C7: variants seen among roughly 807,000 people sequenced by gnomAD.
C7 encodes the protein complement component C7.
A neutral mutation model predicts 104.8 loss-of-function variants in C7; 83 were observed. The ratio of observed to expected loss-of-function variants is 0.79; its 90% CI spans 0.66 to 0.95. The LOEUF (loss-of-function observed/expected upper bound fraction) is 0.95, where lower values mean the gene tolerates loss of function less well. C7 is among the 40% of genes least tolerant of loss of function. The pLI, the probability that C7 is intolerant of heterozygous loss-of-function variation, is 0.00. For missense variants in C7, 1,070 were observed against 1,011.2 expected (o/e 1.06, Z -0.79); for synonymous variants, 415 against 360.6 (o/e 1.15, Z -1.71).
chr5:40,970,561 C>A (rs1740676652), intron 14 of C7, among the ~76,000 whole-genome samples: 1 of 152,002 alleles, frequency 6.6e-6, no homozygotes, highest in Admixed American at 6.6e-5. Flanking sequence ...GAGGTTGAGT[C>A]AGGAGGATTG....
intron 6 of C7, among the ~76,000 whole-genome samples, chr5:40,940,334 C>G (rs1457011421): frequency 6.6e-6 from 1 of 152,108 alleles, no homozygotes; most frequent in Non-Finnish European, 1.5e-5. Context: ...TTTTATACAA[C>G]AAGGAAGGCA....
intron 9 of C7, among the ~76,000 whole-genome samples, chr5:40,954,644 G>A (rs2111652435): frequency 6.6e-6 from 1 of 151,952 alleles, no homozygotes; most frequent in South Asian, 2.1e-4. Flanking sequence ...AACACTTTGG[G>A]AGGCTGAGGC....
Position 40,983,885 on chromosome 5 carries a change from G to A in C7, c.*2312G>A, listed in dbSNP as rs1163555961. ...GTCATCTGGGTTAGAAGGGGATAGA[G>A]CCTTGGAGGAGGCAGAGGGCAGAAA... On this transcript the variant is annotated 3_prime_UTR_variant, in exon 18 of 18. Transcript: ENST00000313164. 2.0e-5 allele frequency among the ~76,000 whole-genome samples: 3 copies of A among 152,174 alleles called. No individual in the cohort carries two copies. The highest frequency in any genetic ancestry group is 7.2e-5 in the African/African-American group (3 of 41,448).
rs1739819667 is a variant in C7 at position 40,936,481 on chromosome 5, A to G, written c.424A>G (p.Asn142Asp). Residue 142 changes from asparagine (N) to aspartate (D), a missense_variant, in exon 5 of 18, where the codon AAT (asparagine) becomes GAT (aspartate). By Grantham distance (23) the Asn-to-Asp change is conservative. Coordinates refer to ENST00000313164, the MANE Select transcript of C7 (RefSeq NM_000587.4). ...TCCTCCTAACATAGAACTTACTGGA[A>G]ATGGGTAAGGTGCTGGGCAGCCTCC... ...KPPPNIELTG[N>D]GYNELTGQFR... 1.2e-6 allele frequency: 2 copies of G among 1,612,766 alleles called. No homozygotes were observed. Among genetic ancestry groups the G allele is most frequent in the Non-Finnish European group, 1.7e-6 (2 of 1,179,274 alleles).
At chr5:40,941,994 A>G (rs145403439) in intron 6 of C7, among the ~76,000 whole-genome samples, 3 of 152,346 alleles carry the variant, frequency 2.0e-5, no homozygotes, top group Non-Finnish European at 2.9e-5. Context: ...AGAGAAAAAA[A>G]GAAAACTAGA....
chr5:40,911,597 T>C (rs1055817404), intron 1 of C7, among the ~76,000 whole-genome samples: 10 of 152,208 alleles, frequency 6.6e-5, no homozygotes, highest in Non-Finnish European at 8.8e-5. Flanking sequence ...AAATCAGGAT[T>C]GTAGCTGGGA....
rs869250524 is a variant in C7, at chr5:40,964,020, C to CTTTTTTTTTT, written c.1750-699_1750-690dup. Among the ~76,000 whole-genome samples the CTTTTTTTTTT allele has an allele frequency of 5.0e-5, 2 of 39,862 alleles. 1 individual carries two copies. The highest frequency in any genetic ancestry group is 1.2e-4 in the Non-Finnish European group (2 of 17,038). 26.2% of individuals were successfully genotyped at this position (39,862 alleles called of 152,430 possible). A position where few individuals can be genotyped will look rare whatever the true frequency, so the allele number is the denominator to read the frequency against. ...TATTGTCAATGAACAGCTCATAATA[C>CTTTTTTTTTT]TTTTTTTTTTTTTTTTTTTTTTTTT... On this transcript the variant is annotated intron_variant, in intron 13 of 17. Coordinates refer to ENST00000313164, the MANE Select transcript of C7 (RefSeq NM_000587.4).
intron 1 of C7, among the ~76,000 whole-genome samples, chr5:40,924,577 G>GC (rs1442123798): frequency 1.3e-5 from 2 of 152,180 alleles, no homozygotes; most frequent in East Asian, 3.9e-4. Flanking sequence ...CCCCTTTACA[G>GC]CCCTTGTAGA....
chr5:40,949,926 G>A lies in C7; in HGVS notation c.1005G>A (p.Lys335=). ...KQNDFNSVEE[K]KCKSSGWHFV... is the part of the protein sequence containing the mutation. ...TAGATTTTAATTCAGTCGAAGAAAA[G>A]AAATGTAAATCCTCAGGTTGGCATT... The change falls in exon 9 of 18, where the codon AAG becomes AAA. Residue 335 remains lysine (K), a synonymous_variant. Transcript: ENST00000313164. 6.3e-7 allele frequency: 1 copy of A among 1,592,852 alleles called. No homozygotes were observed. The highest frequency in any genetic ancestry group is 8.6e-7 in the Non-Finnish European group (1 of 1,167,476).
chr5:40,921,237 G>A (rs146478716), intron 1 of C7, among the ~76,000 whole-genome samples: 1,951 of 151,528 alleles, frequency 0.013, 17 homozygotes, highest in Non-Finnish European at 0.019. Context: ...AAAATACCAA[G>A]GAATAAATTT....
intron 1 of C7, among the ~76,000 whole-genome samples, chr5:40,912,037 C>G (rs1465919991): frequency 1.3e-5 from 2 of 152,080 alleles, no homozygotes; most frequent in African/African-American, 4.8e-5. Context: ...CATGAACCAC[C>G]ACGCCCGGCC....
intron 15 of C7, among the ~76,000 whole-genome samples, chr5:40,975,316 T>G (rs1740792387): frequency 6.6e-6 from 1 of 152,010 alleles, no homozygotes; most frequent in Admixed American, 6.6e-5. Context: ...AGGGTCCAGT[T>G]CAGGGTACTA....
intron 16 of C7, among the ~76,000 whole-genome samples, chr5:40,977,175 T>G (rs1230308755): frequency 1.3e-5 from 2 of 152,160 alleles, no homozygotes; most frequent in Admixed American, 1.3e-4. Flanking sequence ...TGAAATTCCT[T>G]TGGCACATAA....
At chr5:40,950,548 A>G (rs1740146692) in intron 9 of C7, among the ~76,000 whole-genome samples, 1 of 152,160 alleles carries the variant, frequency 6.6e-6, no homozygotes, top group Non-Finnish European at 1.5e-5. Flanking sequence ...TGATCTCCAA[A>G]GGCTTTTGAG....
rs751486188 is a variant in C7, at chr5:40,936,341, A to G, written c.284A>G (p.Gln95Arg). 7.4e-6 allele frequency: 12 copies of G among 1,613,080 alleles called. No individual in the cohort carries two copies. The highest frequency in any genetic ancestry group is 2.7e-5 in the African/African-American group (2 of 74,876). Residue 95 changes from glutamine (Q) to arginine (R), a missense_variant, in exon 5 of 18, where the codon CAG becomes CGG. Transcript: ENST00000313164. Reference protein sequence around the residue: ...CGERFRCFSGQCISKSLVCNG... With the variant: ...CGERFRCFSGRCISKSLVCNG... ...CGTGGATTTCTCTGGTGTTCAGGTC[A>G]GTGCATCAGCAAATCATTGGTTTGC...
chr5:40,976,504 A>G (rs2111722164), intron 15 of C7, among the ~76,000 whole-genome samples: 1 of 152,372 alleles, frequency 6.6e-6, no homozygotes, highest in South Asian at 2.1e-4. Context: ...TAAAAAGTGC[A>G]TGACAAATAT....
At chr5:40,911,974 TC>T (rs1433415311) in intron 1 of C7, among the ~76,000 whole-genome samples, 36 of 151,684 alleles carry the variant, frequency 2.4e-4, no homozygotes, top group African/African-American at 8.7e-4. Context: ...GGTCTTGAAC[TC>T]CTGACCTCAT....
At chr5:40,943,626 TAA>T (rs1210172191) in intron 6 of C7, among the ~76,000 whole-genome samples, 1 of 151,670 alleles carries the variant, frequency 6.6e-6, no homozygotes, top group Non-Finnish European at 1.5e-5. Context: ...GATAATAAAC[TAA>T]ATATTTTTTA....
rs1739448328 is a variant in C7 at position 40,922,028 on chromosome 5, ACT to A, written c.7-6549_7-6548del. ...ACTCCAGCCTGGGTGACAGAGCAAG[ACT>A]CTGTCTCAAAAACAAACAAACAAAC... On this transcript the variant is annotated intron_variant, in intron 1 of 17. Coordinates refer to ENST00000313164, the MANE Select transcript of C7 (RefSeq NM_000587.4). 2.0e-5 allele frequency among the ~76,000 whole-genome samples: 3 copies of A among 150,178 alleles called. No individual in the cohort carries two copies. In the South Asian group the frequency reaches 6.4e-4, roughly 32 times the overall value.
Sources: gnomAD v4.1 joint callset for allele counts (sites outside exome capture counted in the v4.1 genomes callset) on GRCh38, gnomAD v4.1.1 for gene constraint, MANE v1.5 for transcripts, NCBI Gene and HGNC (gene_info 2026-07-23, HGNC 2026-07-21) for gene names.